Variants in ABCC3 observed in about 807,000 individuals in gnomAD.
ABCC3 encodes ATP-binding cassette sub-family C member 3.
Under a neutral mutation model 165.3 loss-of-function variants are expected in ABCC3, and 121 were observed. The ratio of observed to expected loss-of-function variants is 0.73; its 90% CI spans 0.63 to 0.85. The LOEUF (loss-of-function observed/expected upper bound fraction) is 0.85. Ranked by LOEUF, ABCC3 falls within the 40% of genes least tolerant of loss-of-function variation. The pLI, the probability that ABCC3 is intolerant of heterozygous loss-of-function variation, is 0.00. For missense variants in ABCC3, 1,869 were observed against 1,964.1 expected, an observed-to-expected ratio of 0.95 and a Z score of 0.92; for synonymous variants, 733 against 810.1, an observed-to-expected ratio of 0.90 and a Z score of 1.62.
intron 1 of ABCC3, among the ~76,000 whole-genome samples, chr17:50,638,116 A>C (rs2054196125): frequency 6.6e-6 from 1 of 152,218 alleles, no homozygotes; most frequent in Non-Finnish European, 1.5e-5. Flanking sequence ...AAATTCCAAA[A>C]GAGTGAACTG....
In ABCC3 at chr17:50,673,974, TTCTTTCTC is replaced by T. The variant is rs1567835539; in HGVS notation, c.2599+320_2599+327del. 4.6e-3 allele frequency among the ~76,000 whole-genome samples: 61 copies of T among 13,284 alleles called. 9 individuals are homozygous for T. Among genetic ancestry groups the T allele is most frequent in the South Asian group, 0.011 (3 of 276 alleles). The allele number at this position is 13,284 out of a possible 152,430, so 8.7% of individuals were successfully genotyped here. A position where few individuals can be genotyped will look rare whatever the true frequency, so the allele number is the denominator to read the frequency against. On this transcript the variant is annotated intron_variant, in intron 19 of 30. Coordinates refer to ENST00000285238, the MANE Select transcript of ABCC3 (RefSeq NM_003786.4). ...TTTCTTTCTTTCTTTCTTTCTTTCT[TTCTTTCTC>T]TCTCTCTCTCTCTCTCTCTCTCTCT...
At chr17:50,656,234 C>T (rs900492424) in intron 2 of ABCC3, among the ~76,000 whole-genome samples, 15 of 152,090 alleles carry the variant, frequency 9.9e-5, no homozygotes, top group African/African-American at 3.4e-4. Context: ...TACAGGCATG[C>T]GCCACCACAC....
At position 50,667,731 on chromosome 17, in the gene ABCC3, T is replaced by G. The variant is rs1967555128; in HGVS notation, c.1609T>G (p.Phe537Val). ...GGCCTACCTCCACACCACAACCACC[T>G]TCACCTGGATGTGCAGCCCCTTCCT... ...TAAYLHTTTT[F>V]TWMCSPFLVT... The change falls in exon 12 of 31, where the codon TTC (phenylalanine) becomes GTC (valine). Residue 537 changes from phenylalanine to valine, a missense_variant. Transcript: ENST00000285238. 3 of 1,613,956 alleles carry G rather than the reference T, an allele frequency of 1.9e-6. No individual in the cohort carries two copies. Among genetic ancestry groups the G allele is most frequent in the Non-Finnish European group, 2.5e-6 (3 of 1,180,040 alleles).
rs751264707 is a variant in ABCC3, at chr17:50,655,874, C to A, written c.88C>A (p.Pro30Thr). The A allele has an allele frequency of 2.5e-6, 4 of 1,614,006 alleles. No individual in the cohort carries two copies. The South Asian group carries it at 4.4e-5, about 18-fold the overall frequency. The change falls in exon 2 of 31, where the codon CCC (proline) becomes ACC (threonine). Residue 30 changes from proline (P) to threonine (T), a missense_variant. Pro to Thr is a conservative substitution (Grantham distance 38). Coordinates refer to ENST00000285238, the MANE Select transcript of ABCC3 (RefSeq NM_003786.4). Reference protein sequence around the residue: ...SVHTENPDLTPCFQNSLLAWV... With the variant: ...SVHTENPDLTTCFQNSLLAWV... ...GCACACAGAAAACCCGGACCTCACT[C>A]CCTGCTTCCAGAACTCCCTGCTGGC...
At chr17:50,675,585 G>T in intron 20 of ABCC3, 46 bp from the exon 21 acceptor site, 1 of 1,560,512 alleles carries the variant, frequency 6.4e-7, no homozygotes, top group South Asian at 1.2e-5. Context: ...CTGTCCTGGG[G>T]GGTGCTTGAG....
intron 26 of ABCC3, among the ~76,000 whole-genome samples, chr17:50,681,146 G>A (rs1042543452): frequency 1.3e-5 from 2 of 151,674 alleles, no homozygotes; most frequent in African/African-American, 4.8e-5. Flanking sequence ...ACGGCTGCAT[G>A]TTCCTGCTTT....
intron 29 of ABCC3, chr17:50,687,227 GAAAC>G: frequency 7.7e-6 from 3 of 388,260 alleles, no homozygotes; most frequent in Admixed American, 3.8e-5. Context: ...GTGAAGCAGA[GAAAC>G]ATCACGGCAC....
Position 50,677,827 on chromosome 17 carries a change from A to G in ABCC3, c.3462A>G (p.Thr1154=), listed in dbSNP as rs373837079. The change falls in exon 24 of 31, where the codon ACA becomes ACG. Residue 1154 remains threonine, a synonymous_variant. Coordinates refer to ENST00000285238, the MANE Select transcript of ABCC3 (RefSeq NM_003786.4). The part of the protein sequence containing the change: ...RSPIYSHFSE[T]VTGASVIRAY... ...CTATCTACTCCCACTTTTCGGAGAC[A>G]GTGACTGGTGCCAGTGTCATCCGGG... is the stretch of plus-strand genomic sequence containing the variant. 5.0e-6 allele frequency: 8 copies of G among 1,614,162 alleles called. No homozygotes were observed. The East Asian group carries it at 6.7e-5, about 13-fold the overall frequency.
At chr17:50,641,131 C>T (rs1303203103) in intron 1 of ABCC3, among the ~76,000 whole-genome samples, 1 of 152,256 alleles carries the variant, frequency 6.6e-6, no homozygotes, top group East Asian at 1.9e-4. Flanking sequence ...CTGTATGAGT[C>T]TGCAGTGATT....
At chr17:50,655,414 A>AAAAAC (rs2146603743) in intron 1 of ABCC3, among the ~76,000 whole-genome samples, 1 of 149,298 alleles carries the variant, frequency 6.7e-6, no homozygotes, top group African/African-American at 2.5e-5. Context: ...CAAAAAAAAA[A>AAAAAC]AAAAAAACAA....
chr17:50,665,875 G>A (rs1391311070), intron 11 of ABCC3, among the ~76,000 whole-genome samples: 1 of 151,716 alleles, frequency 6.6e-6, no homozygotes, highest in Non-Finnish European at 1.5e-5. Context: ...GCCTCCCAAA[G>A]TGCTGGGATT....
chr17:50,659,319 G>C lies in ABCC3; in HGVS notation c.757G>C (p.Val253Leu). 6.2e-7 allele frequency: 1 copy of C among 1,613,396 alleles called. No homozygotes were observed. Among genetic ancestry groups the C allele is most frequent in the African/African-American group, 1.3e-5 (1 of 75,046 alleles). Reference sequence around the variant, plus strand: ...GGAAGAGGACAGATCCCAGATGGTGGTGCAGCAGCTGCTGGAGGCATGGAG... The same window carrying C: ...GGAAGAGGACAGATCCCAGATGGTGCTGCAGCAGCTGCTGGAGGCATGGAG... Reference protein sequence around the residue: ...LKEEDRSQMVVQQLLEAWRKQ... With the variant: ...LKEEDRSQMVLQQLLEAWRKQ... Residue 253 changes from valine to leucine, a missense_variant, in exon 7 of 31, where the codon GTG (valine) becomes CTG (leucine). Coordinates refer to ENST00000285238, the MANE Select transcript of ABCC3 (RefSeq NM_003786.4).
chr17:50,654,831 G>T (rs557769362), intron 1 of ABCC3, among the ~76,000 whole-genome samples: 1 of 151,792 alleles, frequency 6.6e-6, no homozygotes, highest in East Asian at 1.9e-4. Flanking sequence ...AGTGGCTCAC[G>T]CCTGTAATCC....
chr17:50,647,652 A>G (rs1184341996), intron 1 of ABCC3, among the ~76,000 whole-genome samples: 2 of 152,230 alleles, frequency 1.3e-5, no homozygotes, highest in South Asian at 4.1e-4. Context: ...CCAAGAAACC[A>G]GGAGACCAGG....
In ABCC3 at chr17:50,643,996, A is replaced by G. The variant is rs1966941676; in HGVS notation, c.45+9015A>G. Among the ~76,000 whole-genome samples, 4 of 152,248 alleles carry G rather than the reference A, an allele frequency of 2.6e-5. No individual in the cohort carries two copies. In the South Asian group the frequency reaches 8.3e-4, roughly 32 times the overall value. On this transcript the variant is annotated intron_variant, in intron 1 of 30. Transcript: ENST00000285238. ...GGTGGGCAGGGGCACTGGAGGGCAGAGGGCTGCCCCAGATGGGATTAAGAA... is the reference window on the plus strand; with the variant it reads ...GGTGGGCAGGGGCACTGGAGGGCAGGGGGCTGCCCCAGATGGGATTAAGAA...
Position 50,673,299 on chromosome 17 carries a change from C to G in ABCC3, c.2409+161C>G, listed in dbSNP as rs1265115776. 5 of 1,225,972 alleles carry G rather than the reference C, an allele frequency of 4.1e-6. No homozygotes were observed. The East Asian group carries it at 1.3e-4, about 31-fold the overall frequency. 75.9% of individuals were successfully genotyped at this position (1,225,972 alleles called of 1,614,324 possible). ...GGAGAAACCTGTGGGGACAACTCCC[C>G]CACCTGCGAGGTTCTGAGCAGGCTG... On this transcript the variant is annotated intron_variant, in intron 18 of 30. Transcript: ENST00000285238.
In ABCC3 at chr17:50,636,689, C is replaced by T. The variant is rs3785913; in HGVS notation, c.45+1708C>T. 6.3e-4 allele frequency among the ~76,000 whole-genome samples: 96 copies of T among 152,320 alleles called. 1 individual carries two copies. The East Asian group carries it at 0.013, about 21-fold the overall frequency. On this transcript the variant is annotated intron_variant, in intron 1 of 30. Transcript: ENST00000285238. Reference sequence around the variant, plus strand: ...GCTTCAGGCACAAGGGCTCATTGTTCCTGGGTAGCCTCCTGAACCCTGAGA... The same window carrying T: ...GCTTCAGGCACAAGGGCTCATTGTTTCTGGGTAGCCTCCTGAACCCTGAGA...
At chr17:50,662,111 T>C (rs551598313) in intron 8 of ABCC3, 1 of 152,288 alleles carries the variant, frequency 6.6e-6, no homozygotes, top group South Asian at 2.1e-4. Context: ...GTGTGGGGGA[T>C]GTAGGGCAGG....
chr17:50,668,413 C>G lies in ABCC3; in HGVS notation c.1783-17C>G. 1.9e-6 allele frequency: 3 copies of G among 1,610,548 alleles called. No homozygotes were observed. The African/African-American group carries it at 4.0e-5, about 22-fold the overall frequency. On this transcript the variant is annotated splice_polypyrimidine_tract_variant and intron_variant, in intron 13 of 30. Coordinates refer to ENST00000285238, the MANE Select transcript of ABCC3 (RefSeq NM_003786.4). ...GGGAAAGTACAGTCTCTAGGGCTGA[C>G]TCACATCCTCCCGTAGGCCAGTGTG...
Sources: gnomAD v4.1 joint callset for allele counts (sites outside exome capture counted in the v4.1 genomes callset) on GRCh38, gnomAD v4.1.1 for gene constraint, MANE v1.5 for transcripts, NCBI Gene and HGNC (gene_info 2026-07-23, HGNC 2026-07-21) for gene names.